Variants in RHBDD2 observed in about 807,000 individuals in gnomAD.
RHBDD2 encodes rhomboid domain containing 2.
In RHBDD2, 13 loss-of-function variants were observed where a neutral mutation model predicts 21.7. The ratio of observed to expected loss-of-function variants is 0.60; its 90% CI spans 0.39 to 0.95. The LOEUF (loss-of-function observed/expected upper bound fraction) is 0.95. Among genes scored for constraint, RHBDD2 ranks in the 40% least tolerant of loss-of-function variants. The probability of loss-of-function intolerance (pLI) is 0.00; values close to 1 mark genes in which losing one functional copy is unlikely to be tolerated. For synonymous variants in RHBDD2, 225 were observed against 220.0 expected, an observed-to-expected ratio of 1.02 and a Z score of -0.20; for missense variants, 473 against 478.9, an observed-to-expected ratio of 0.99 and a Z score of 0.11.
chr7:75,881,785 G>C, intron 1 of RHBDD2, 44 bp from the exon 2 acceptor site: 2 of 1,545,026 alleles, frequency 1.3e-6, no homozygotes, highest in Non-Finnish European at 1.7e-6. Flanking sequence ...CTTCCCTCCT[G>C]GGAGCAACCC....
intron 3 of RHBDD2, among the ~76,000 whole-genome samples, chr7:75,886,927 T>C (rs1554544037): frequency 6.6e-6 from 1 of 152,138 alleles, no homozygotes. Context: ...TCTTAGGGTT[T>C]AAGAGGAAGA....
In RHBDD2 at chr7:75,884,829, T is replaced by C. The variant is rs540420811; in HGVS notation, c.737+981T>C. On this transcript the variant is annotated intron_variant, in intron 3 of 3. Transcript: ENST00000006777. Reference sequence around the variant, plus strand: ...ACACAATAGCCTCGATAAGTGCAGATAGGGCTGGGTGCGATGGCTCACGCC... The same window carrying C: ...ACACAATAGCCTCGATAAGTGCAGACAGGGCTGGGTGCGATGGCTCACGCC... Among the ~76,000 whole-genome samples, 58 of 152,232 alleles carry C rather than the reference T, an allele frequency of 3.8e-4. 1 individual carries two copies. The South Asian group carries it at 0.012, about 32-fold the overall frequency.
chr7:75,885,369 T>C (rs1363243538), intron 3 of RHBDD2, among the ~76,000 whole-genome samples: 1 of 152,106 alleles, frequency 6.6e-6, no homozygotes, highest in Admixed American at 6.6e-5. Flanking sequence ...AGGGGCCATC[T>C]GGAAGCACGT....
chr7:75,884,056 C>T (rs60454590), intron 3 of RHBDD2, among the ~76,000 whole-genome samples: 1 of 151,890 alleles, frequency 6.6e-6, no homozygotes, highest in African/African-American at 2.4e-5. Context: ...CTACATCCAG[C>T]TAATTTTTTT....
rs782200039 is a variant in RHBDD2 at position 75,883,866 on chromosome 7, T to A, written c.737+18T>A. ...AGCCGGAAGTAAGTGACAGAACTCT[T>A]AAGTGCTGTTAAATCTTTTTTAAAA... On this transcript the variant is annotated intron_variant, in intron 3 of 3. Coordinates refer to ENST00000006777, the MANE Select transcript of RHBDD2 (RefSeq NM_001040456.3). The A allele has an allele frequency of 6.4e-7, 1 of 1,570,086 alleles. No individual in the cohort carries two copies. Among genetic ancestry groups the A allele is most frequent in the Admixed American group, 2.1e-5 (1 of 48,100 alleles).
chr7:75,882,041 G>A lies in RHBDD2; in HGVS notation c.391G>A (p.Asp131Asn). 1 of 1,614,226 alleles carries A rather than the reference G, an allele frequency of 6.2e-7. No individual in the cohort carries two copies. The highest frequency in any genetic ancestry group is 8.5e-7 in the Non-Finnish European group (1 of 1,180,046). Residue 131 changes from aspartate (D) to asparagine (N), a missense_variant, in exon 2 of 4, where the codon GAT becomes AAT. Transcript: ENST00000006777. ...ACTGTCAAAGCTGGGGGAAGTGGAG[G>A]ATGCCAGAGGTTTCACCCCAGTGGC... is the stretch of plus-strand genomic sequence containing the variant. ...SSLSKLGEVE[D>N]ARGFTPVAFA...
At chr7:75,880,138 T>C (rs1272159037) in intron 1 of RHBDD2, 3 of 152,144 alleles carry the variant, frequency 2.0e-5, no homozygotes, top group Non-Finnish European at 2.9e-5. Flanking sequence ...AATCTATATT[T>C]TTTTTTTTAT....
At chr7:75,882,986 G>A (rs1415746257) in intron 2 of RHBDD2, among the ~76,000 whole-genome samples, 4 of 152,154 alleles carry the variant, frequency 2.6e-5, no homozygotes, top group African/African-American at 4.8e-5. Context: ...TCACATGGTC[G>A]CACTGAGGCA....
At chr7:75,883,326 C>T (rs918471137) in intron 2 of RHBDD2, among the ~76,000 whole-genome samples, 2 of 152,058 alleles carry the variant, frequency 1.3e-5, no homozygotes, top group Non-Finnish European at 2.9e-5. Flanking sequence ...TAAGACCAGC[C>T]TAGCCAATAT....
chr7:75,883,470 A>G (rs1554543002), intron 2 of RHBDD2: 2 of 354,784 alleles, frequency 5.6e-6, no homozygotes, highest in Non-Finnish European at 1.0e-5. Context: ...GTGAGCCAAG[A>G]TCACACCACT....
intron 3 of RHBDD2, among the ~76,000 whole-genome samples, chr7:75,884,738 G>A (rs1554543439): frequency 6.6e-6 from 1 of 152,144 alleles, no homozygotes; most frequent in East Asian, 1.9e-4. Context: ...AGATAGGCTG[G>A]GCAGGAGGGC....
chr7:75,880,477 A>C (rs1805257232), intron 1 of RHBDD2, among the ~76,000 whole-genome samples: 2 of 152,100 alleles, frequency 1.3e-5, no homozygotes, highest in Non-Finnish European at 2.9e-5. Context: ...TTTCGTGGAT[A>C]TGTGAGCGTT....
In RHBDD2 at chr7:75,881,876, C is replaced by T. The variant is rs782025133; in HGVS notation, c.226C>T (p.Leu76=). 6.2e-7 allele frequency: 1 copy of T among 1,613,746 alleles called. No individual in the cohort carries two copies. The highest frequency in any genetic ancestry group is 1.1e-5 in the South Asian group (1 of 91,040). Residue 76 remains leucine, a synonymous_variant, in exon 2 of 4, where the codon CTG becomes TTG. Transcript: ENST00000006777. Reference sequence around the variant, plus strand: ...CTTTGTCTACGAGAATCCCATCTCCCTGCTCTGCGGCGCTATCATCATCTG... The same window carrying T: ...CTTTGTCTACGAGAATCCCATCTCCTTGCTCTGCGGCGCTATCATCATCTG... ...YIFVYENPIS[L]LCGAIIIWRF... is the part of the protein sequence containing the mutation.
chr7:75,885,701 TGAGA>T (rs1455595889), intron 3 of RHBDD2, among the ~76,000 whole-genome samples: 1 of 151,930 alleles, frequency 6.6e-6, no homozygotes, highest in African/African-American at 2.4e-5. Flanking sequence ...CACCACACAT[TGAGA>T]GAGGGAGGGA....
chr7:75,883,698 A>G lies in RHBDD2; in HGVS notation c.587A>G (p.Tyr196Cys), dbSNP rs1805465820. 5.6e-6 allele frequency: 9 copies of G among 1,612,476 alleles called. No homozygotes were observed. Among genetic ancestry groups the G allele is most frequent in the Admixed American group, 1.7e-5 (1 of 59,720 alleles). Reference sequence around the variant, plus strand: ...GTTTCACTTAACACGCCAACCTCAGATGGCCTCACCTACTGCTATTCCATC... The same window carrying G: ...GTTTCACTTAACACGCCAACCTCAGGTGGCCTCACCTACTGCTATTCCATC... The part of the protein sequence containing the change: ...NVCGLSIGLA[Y>C]GLTYCYSIDL... Residue 196 changes from tyrosine (Y) to cysteine (C), a missense_variant and splice_region_variant, in exon 3 of 4, where the codon TAT becomes TGT. Tyr to Cys is a radical substitution (Grantham distance 194, BLOSUM62 -2). Coordinates refer to ENST00000006777, the MANE Select transcript of RHBDD2 (RefSeq NM_001040456.3).
chr7:75,884,441 A>G lies in RHBDD2; in HGVS notation c.737+593A>G, dbSNP rs528409957. Among the ~76,000 whole-genome samples, 9 of 152,110 alleles carry G rather than the reference A, an allele frequency of 5.9e-5. No individual in the cohort carries two copies. The South Asian group carries it at 8.3e-4, about 14-fold the overall frequency. ...CCACTGTGTTACCAAGGCTGGTCTC[A>G]AACTCCTGGTCTCAATCCATCCTTC... On this transcript the variant is annotated intron_variant, in intron 3 of 3. Transcript: ENST00000006777.
rs781820156 is a variant in RHBDD2, at chr7:75,881,818, T to A, written c.179-11T>A. 6.3e-7 allele frequency: 1 copy of A among 1,584,788 alleles called. No homozygotes were observed. Among genetic ancestry groups the A allele is most frequent in the Admixed American group, 1.7e-5 (1 of 58,080 alleles). On this transcript the variant is annotated splice_polypyrimidine_tract_variant and intron_variant, in intron 1 of 3. Transcript: ENST00000006777. Reference sequence around the variant, plus strand: ...CCCGCCGCCAGGCCTCTAACCCGACTCCCTCTGCAGTTTACAGGCTGGTAA... The same window carrying A: ...CCCGCCGCCAGGCCTCTAACCCGACACCCTCTGCAGTTTACAGGCTGGTAA...
chr7:75,879,203 C>G lies in RHBDD2; in HGVS notation c.121C>G (p.Gln41Glu), dbSNP rs1474173983. The G allele has an allele frequency of 2.0e-6, 3 of 1,520,438 alleles. No individual in the cohort carries two copies. Among genetic ancestry groups the G allele is most frequent in the Non-Finnish European group, 2.6e-6 (3 of 1,132,538 alleles). The allele number at this position is 1,520,438 out of a possible 1,614,324, so 94.2% of individuals were successfully genotyped here. A position where few individuals can be genotyped will look rare whatever the true frequency, so the allele number is the denominator to read the frequency against. The change falls in exon 1 of 4, where the codon CAG becomes GAG. Residue 41 changes from glutamine (Q) to glutamate (E), a missense_variant. Physicochemically the swap from Gln to Glu is conservative, Grantham distance 29. Coordinates refer to ENST00000006777, the MANE Select transcript of RHBDD2 (RefSeq NM_001040456.3). ...CGGGCCTCGCCTGTTCCTGCTGCAG[C>G]AGCCCCTGGCGCCCTCGGGCCTCAC... ...VSGPRLFLLQ[Q>E]PLAPSGLTLK...
intron 3 of RHBDD2, 77 bp downstream of exon 3, chr7:75,883,925 C>CAAAAA: frequency 1.6e-6 from 2 of 1,236,924 alleles, no homozygotes; most frequent in Non-Finnish European, 2.2e-6. Context: ...GACGGAGTCT[C>CAAAAA]ACTCTGTCAC....
Sources: gnomAD v4.1 joint callset for allele counts (sites outside exome capture counted in the v4.1 genomes callset) on GRCh38, gnomAD v4.1.1 for gene constraint, MANE v1.5 for transcripts, NCBI Gene and HGNC (gene_info 2026-07-23, HGNC 2026-07-21) for gene names.